SRGAP2: variants seen among roughly 807,000 people sequenced by gnomAD.
The protein encoded by SRGAP2 is SLIT-ROBO Rho GTPase activating protein 2, also known as SLIT-ROBO Rho GTPase-activating protein 2.
Under a neutral mutation model 57.2 loss-of-function variants are expected in SRGAP2, and 15 were observed. The ratio of observed to expected loss-of-function variants is 0.26; its 90% confidence interval spans 0.18 to 0.40. The LOEUF is 0.40. SRGAP2 is among the 10% of genes least tolerant of loss of function. The probability of loss-of-function intolerance (pLI) is 1.00; values close to 1 mark genes in which losing one functional copy is unlikely to be tolerated. For missense variants in SRGAP2, 520 were observed against 669.6 expected (o/e 0.78, Z 2.47); for synonymous variants, 249 against 248.0 (o/e 1.00, Z -0.04).
In SRGAP2 at chr1:206,378,630, TGCACCAATCAGCACTCTGTAAAAAC is replaced by T. The variant is rs1655429434; in HGVS notation, c.424-5371_424-5347del. Among the ~76,000 whole-genome samples, 5 of 152,072 alleles carry T rather than the reference TGCACCAATCAGCACTCTGTAAAAAC, an allele frequency of 3.3e-5. No individual in the cohort carries two copies. In the South Asian group the frequency reaches 1.0e-3, roughly 32 times the overall value. On this transcript the variant is annotated intron_variant, in intron 4 of 22. Transcript: ENST00000573034. ...TTCTGTCTAGCTAGAGGATTGTAAA[TGCACCAATCAGCACTCTGTAAAAAC>T]GCACCAATCAGCGCTCTGTGTCTAG... is the stretch of plus-strand genomic sequence containing the variant.
At chr1:206,230,117 T>C (rs563587329) in intron 2 of SRGAP2, among the ~76,000 whole-genome samples, 1 of 152,372 alleles carries the variant, frequency 6.6e-6, no homozygotes, top group African/African-American at 2.4e-5. Context: ...CTTCGTAAAC[T>C]GATCAATTGC....
At chr1:206,346,418 T>A (rs1294240163) in intron 4 of SRGAP2, among the ~76,000 whole-genome samples, 40 of 152,302 alleles carry the variant, frequency 2.6e-4, no homozygotes, top group South Asian at 2.1e-4. Flanking sequence ...TTGTGATAGG[T>A]AAATTGTAAT....
chr1:206,421,721 C>T (rs1553364458), intron 13 of SRGAP2, among the ~76,000 whole-genome samples: 1 of 152,132 alleles, frequency 6.6e-6, no homozygotes, highest in East Asian at 1.9e-4. Context: ...AGATGGACTC[C>T]TAAGACATGC....
chr1:206,333,204 C>G, intron 3 of SRGAP2: 2 of 533,596 alleles, frequency 3.7e-6, no homozygotes, highest in East Asian at 3.5e-5. Context: ...AACCACTGCT[C>G]TCTTCAAAGC....
chr1:206,416,023 G>T (rs1553361816), intron 11 of SRGAP2, 50 bp downstream of exon 11: 2 of 754,132 alleles, frequency 2.7e-6, no homozygotes, highest in Non-Finnish European at 4.9e-6. Flanking sequence ...GCCAGCTGGA[G>T]CTTTCTTGCT....
intron 2 of SRGAP2, among the ~76,000 whole-genome samples, chr1:206,254,541 G>T (rs1553311821): frequency 6.8e-6 from 1 of 146,990 alleles, no homozygotes; most frequent in East Asian, 2.0e-4. Context: ...ATTGTCTCAG[G>T]TTAATAAGTA....
Position 206,437,980 on chromosome 1 carries a change from T to C in SRGAP2, c.1650T>C (p.Ala550=). 1.3e-6 allele frequency: 1 copy of C among 780,854 alleles called. No homozygotes were observed. Among genetic ancestry groups the C allele is most frequent in the South Asian group, 1.3e-5 (1 of 74,624 alleles). 48.4% of individuals were successfully genotyped at this position (780,854 alleles called of 1,614,324 possible). Residue 550 remains alanine, a synonymous_variant, in exon 16 of 23, where the codon GCT becomes GCC. Transcript: ENST00000573034. ...TATCCTCAGGAGAGGACCCCCTGGC[T>C]GGGGACCAGAACGACCATGACATGG... ...NAFERGEDPL[A]GDQNDHDMDS...
rs376568668 is a variant in SRGAP2 at position 206,461,264 on chromosome 1, C to T, written c.3060C>T (p.Cys1020=). 13 of 780,818 alleles carry T rather than the reference C, an allele frequency of 1.7e-5. No individual in the cohort carries two copies. The highest frequency in any genetic ancestry group is 6.8e-5 in the African/African-American group (4 of 59,162). 48.4% of individuals were successfully genotyped at this position (780,818 alleles called of 1,614,324 possible). The change falls in exon 23 of 23, where the codon TGC becomes TGT. Residue 1020 remains cysteine (C), a synonymous_variant. Coordinates refer to ENST00000573034, the MANE Select transcript of SRGAP2 (RefSeq NM_015326.5). The part of the protein sequence containing the change: ...RSASTAGDIA[C]AFRPVKSVKM... ...CCAGTACTGCTGGGGACATCGCCTG[C>T]GCCTTCCGGCCTGTCAAGTCTGTCA... is the stretch of plus-strand genomic sequence containing the variant.
intron 2 of SRGAP2, among the ~76,000 whole-genome samples, chr1:206,244,640 C>A (rs1668432586): frequency 6.6e-6 from 1 of 151,074 alleles, no homozygotes; most frequent in African/African-American, 2.4e-5. Flanking sequence ...GGTATTACCT[C>A]CAAGCGAACT....
At position 206,419,523 on chromosome 1, in the gene SRGAP2, C is replaced by T. The variant is rs1660106589; in HGVS notation, c.1469+123C>T. 4.2e-6 allele frequency: 3 copies of T among 713,920 alleles called. No homozygotes were observed. The Admixed American group carries it at 6.1e-5, about 15-fold the overall frequency. 44.2% of individuals were successfully genotyped at this position (713,920 alleles called of 1,614,324 possible). A position where few individuals can be genotyped will look rare whatever the true frequency, so the allele number is the denominator to read the frequency against. On this transcript the variant is annotated intron_variant, in intron 12 of 22. Coordinates refer to ENST00000573034, the MANE Select transcript of SRGAP2 (RefSeq NM_015326.5). ...ATTGAATGACTTTACAAAGCAATGG[C>T]CTGGGGCGGGGTTTGTTTACTTCCC...
chr1:206,415,084 A>G (rs906686497), intron 10 of SRGAP2, among the ~76,000 whole-genome samples: 1 of 152,190 alleles, frequency 6.6e-6, no homozygotes. Flanking sequence ...CAGTGCTCTC[A>G]TGTGTAAAAT....
chr1:206,221,284 GA>G (rs1553304646), intron 2 of SRGAP2, among the ~76,000 whole-genome samples: 2 of 150,386 alleles, frequency 1.3e-5, no homozygotes, highest in African/African-American at 5.0e-5. Context: ...GAGAGATACA[GA>G]AAAAAGTTTC....
intron 3 of SRGAP2, among the ~76,000 whole-genome samples, chr1:206,306,559 G>T (rs1455184674): frequency 1.3e-5 from 2 of 152,118 alleles, no homozygotes; most frequent in Non-Finnish European, 2.9e-5. Context: ...ACCCGAGCGG[G>T]TTGCCAATGT....
Position 206,430,188 on chromosome 1 carries a change from G to A in SRGAP2, c.1521G>A (p.Val507=), listed in dbSNP as rs782376054. 20 of 780,732 alleles carry A rather than the reference G, an allele frequency of 2.6e-5. No homozygotes were observed. Among genetic ancestry groups the A allele is most frequent in the Non-Finnish European group, 4.5e-5 (19 of 417,944 alleles). The allele number at this position is 780,732 out of a possible 1,614,324, so 48.4% of individuals were successfully genotyped here. The change falls in exon 14 of 23, where the codon GTG becomes GTA. Residue 507 remains valine, a synonymous_variant. Coordinates refer to ENST00000573034, the MANE Select transcript of SRGAP2 (RefSeq NM_015326.5). The stretch of plus-strand genomic sequence containing the variant: ...ACTCCAGCCAGGCAATTCCTCTGGT[G>A]GTGGAAAGCTGTATCCGGTTTATCA... ...KQDSSQAIPL[V]VESCIRFISR...
intron 2 of SRGAP2, among the ~76,000 whole-genome samples, chr1:206,262,907 A>G (rs2102630065): frequency 9.0e-6 from 1 of 110,590 alleles, no homozygotes; most frequent in East Asian, 4.4e-4. Context: ...TCTTCTGAAA[A>G]CATGACGTCA....
intron 21 of SRGAP2, 191 bp from the exon 22 acceptor site, chr1:206,458,432 C>G (rs1553379186): frequency 1.4e-6 from 1 of 713,678 alleles, no homozygotes; most frequent in African/African-American, 1.7e-5. Flanking sequence ...TTCTCCTTCA[C>G]CCAGCTTGGG....
At chr1:206,427,472 C>T (rs900062668) in intron 13 of SRGAP2, among the ~76,000 whole-genome samples, 1 of 152,170 alleles carries the variant, frequency 6.6e-6, no homozygotes, top group African/African-American at 2.4e-5. Context: ...GACACCAGCT[C>T]CAACTTGGCA....
chr1:206,422,216 G>T (rs886555032), intron 13 of SRGAP2, among the ~76,000 whole-genome samples: 1 of 152,182 alleles, frequency 6.6e-6, no homozygotes, highest in East Asian at 1.9e-4. Context: ...CGGCAGCACC[G>T]GCATTTCTTC....
intron 4 of SRGAP2, among the ~76,000 whole-genome samples, chr1:206,377,481 ATTTT>A (rs782108315): frequency 2.0e-5 from 2 of 98,966 alleles, no homozygotes; most frequent in African/African-American, 8.5e-5. Context: ...TTGAAATCAG[ATTTT>A]TTTTTTTTTT....
Sources: gnomAD v4.1 joint callset for allele counts (sites outside exome capture counted in the v4.1 genomes callset) on GRCh38, gnomAD v4.1.1 for gene constraint, MANE v1.5 for transcripts, NCBI Gene and HGNC (gene_info 2026-07-23, HGNC 2026-07-21) for gene names.